UCMA: variants seen among roughly 807,000 people sequenced by gnomAD.
UCMA encodes the protein upper zone of growth plate and cartilage matrix associated.
UCMA carries 21 observed loss-of-function variants against 21.8 expected under a neutral mutation model. The ratio of observed to expected loss-of-function variants is 0.97; its 90% CI spans 0.68 to 1.39. UCMA has a LOEUF of 1.39. Among genes scored for constraint, UCMA ranks in the 40% most tolerant of loss-of-function variants. UCMA has a pLI of 0.00. For synonymous variants in UCMA, 76 were observed against 67.9 expected, an observed-to-expected ratio of 1.12 and a Z score of -0.58; for missense variants, 193 against 178.9, an observed-to-expected ratio of 1.08 and a Z score of -0.45.
chr10:13,233,522 C>T lies in UCMA; in HGVS notation c.220+16G>A, dbSNP rs1834927092. On this transcript the variant is annotated intron_variant, in intron 3 of 4. Transcript: ENST00000378681. ...GTGGTGATGGACGCGGGATGGGGTC[C>T]CTCCAGCATCCTTACCATTGACCTC... 3 of 1,608,402 alleles carry T rather than the reference C, an allele frequency of 1.9e-6. No individual in the cohort carries two copies. The highest frequency in any genetic ancestry group is 2.2e-5 in the South Asian group (2 of 90,672).
intron 3 of UCMA, among the ~76,000 whole-genome samples, 159 bp from the exon 4 acceptor site, chr10:13,229,868 G>T (rs1834876487): frequency 6.6e-6 from 1 of 152,058 alleles, no homozygotes; most frequent in Non-Finnish European, 1.5e-5. Context: ...ATTTACTCCT[G>T]ACACAGACTT....
chr10:13,231,086 C>CCTT (rs55845078), intron 3 of UCMA, among the ~76,000 whole-genome samples: 147,970 of 152,188 alleles, frequency 0.97, 72,043 homozygotes, highest in East Asian at 1. Context: ...CATCTCAAAT[C>CCTT]CTTGGAAGTA....
chr10:13,224,804 T>G (rs1251282945), intron 4 of UCMA, among the ~76,000 whole-genome samples: 2 of 152,132 alleles, frequency 1.3e-5, no homozygotes, highest in Admixed American at 1.3e-4. Flanking sequence ...GACCAAGGCA[T>G]GTTGAGGCAC....
Position 13,233,748 on chromosome 10 carries a change from TTC to T in UCMA, c.109_110del (p.Glu37ArgfsTer4), listed in dbSNP as rs769578228. 6.2e-7 allele frequency: 1 copy of T among 1,614,008 alleles called. No homozygotes were observed. The highest frequency in any genetic ancestry group is 1.1e-5 in the South Asian group (1 of 91,078). On this transcript the variant is annotated frameshift_variant, in exon 2 of 5. Transcript: ENST00000378681. LOFTEE classifies it high-confidence loss of function. ...CCCTGCACTCACCTTCACTCGCCTC[TTC>T]TCCCGCCATCTGCATGGTGCCCACA... ...VSVGTMQMAGEEASEDAKQKI... is the reference protein window; with the variant it reads ...VSVGTMQMAGXEASEDAKQKI...
intron 4 of UCMA, among the ~76,000 whole-genome samples, chr10:13,227,342 C>T (rs1480934840): frequency 2.6e-5 from 4 of 152,200 alleles, no homozygotes; most frequent in Admixed American, 6.5e-5. Context: ...TGGGGCCTCA[C>T]GTCCAAGTTC....
chr10:13,225,338 TG>T (rs1834810506), intron 4 of UCMA, among the ~76,000 whole-genome samples: 1 of 127,322 alleles, frequency 7.9e-6, no homozygotes, highest in Non-Finnish European at 1.5e-5. Flanking sequence ...GTAAGTACTT[TG>T]GGGAGATGTC....
intron 3 of UCMA, among the ~76,000 whole-genome samples, chr10:13,230,394 C>G (rs567250296): frequency 6.6e-6 from 1 of 152,288 alleles, no homozygotes; most frequent in East Asian, 1.9e-4. Flanking sequence ...TTTTACCAAG[C>G]ATTACAGCTG....
chr10:13,223,593 AC>A (rs1483915247), intron 4 of UCMA, among the ~76,000 whole-genome samples: 1 of 152,090 alleles, frequency 6.6e-6, no homozygotes, highest in Non-Finnish European at 1.5e-5. Flanking sequence ...TCGCTCTGTC[AC>A]CCAGGCTGGG....
At chr10:13,231,738 T>C (rs566870568) in intron 3 of UCMA, among the ~76,000 whole-genome samples, 74 of 152,336 alleles carry the variant, frequency 4.9e-4, no homozygotes, top group Middle Eastern at 6.8e-3. Flanking sequence ...TTGTATACGT[T>C]TCTTCTCAAG....
chr10:13,231,850 T>C lies in UCMA; in HGVS notation c.220+1688A>G, dbSNP rs184887142. Among the ~76,000 whole-genome samples the C allele has an allele frequency of 5.3e-5, 8 of 152,304 alleles. No homozygotes were observed. In the East Asian group the frequency reaches 1.5e-3, roughly 29 times the overall value. On this transcript the variant is annotated intron_variant, in intron 3 of 4. Transcript: ENST00000378681. ...CCTGTCTCCTGGTTCCAAATTCAAG[T>C]TGGCTGAAGTGTCTGTCACCTGCCC...
intron 4 of UCMA, among the ~76,000 whole-genome samples, chr10:13,225,084 A>C (rs1257104635): frequency 1.3e-5 from 2 of 151,878 alleles, no homozygotes; most frequent in Non-Finnish European, 2.9e-5. Flanking sequence ...TTTTGAGACA[A>C]GTTCTCATCC....
chr10:13,227,182 G>T (rs944025543), intron 4 of UCMA, among the ~76,000 whole-genome samples: 1 of 152,178 alleles, frequency 6.6e-6, no homozygotes, highest in African/African-American at 2.4e-5. Flanking sequence ...GCACCTGCAG[G>T]GCAATGGGCA....
At chr10:13,228,494 T>C (rs1017172698) in intron 4 of UCMA, among the ~76,000 whole-genome samples, 1 of 152,182 alleles carries the variant, frequency 6.6e-6, no homozygotes, top group Non-Finnish European at 1.5e-5. Flanking sequence ...GAAGATAGGC[T>C]GTAGATGTTG....
intron 4 of UCMA, among the ~76,000 whole-genome samples, chr10:13,225,565 C>A (rs1834813678): frequency 6.6e-6 from 1 of 151,108 alleles, no homozygotes; most frequent in Non-Finnish European, 1.5e-5. Context: ...ATCCCAGCTA[C>A]TCAGGAAGCT....
chr10:13,231,100 C>A (rs898672066), intron 3 of UCMA, among the ~76,000 whole-genome samples: 2 of 151,714 alleles, frequency 1.3e-5, no homozygotes, highest in Non-Finnish European at 1.5e-5. Flanking sequence ...GGAAGTAAGA[C>A]GCTTACCTTA....
chr10:13,228,920 CCTT>C (rs1253331075), intron 4 of UCMA, among the ~76,000 whole-genome samples: 1 of 140,686 alleles, frequency 7.1e-6, no homozygotes, highest in Non-Finnish European at 1.5e-5. Flanking sequence ...CATTTTTCTC[CCTT>C]CTTTTTATTT....
At chr10:13,232,823 C>T (rs551362910) in intron 3 of UCMA, among the ~76,000 whole-genome samples, 2 of 152,068 alleles carry the variant, frequency 1.3e-5, no homozygotes, top group South Asian at 4.2e-4. Flanking sequence ...AGTAGAAACT[C>T]AAATGCCCTC....
intron 4 of UCMA, among the ~76,000 whole-genome samples, chr10:13,223,715 C>G (rs1162930010): frequency 6.6e-6 from 1 of 152,102 alleles, no homozygotes; most frequent in Non-Finnish European, 1.5e-5. Context: ...CCACGCCCGC[C>G]TAATTTTTAT....
At chr10:13,227,196 C>T (rs1164708335) in intron 4 of UCMA, among the ~76,000 whole-genome samples, 1 of 152,208 alleles carries the variant, frequency 6.6e-6, no homozygotes, top group Non-Finnish European at 1.5e-5. Flanking sequence ...ATGGGCATAG[C>T]CTGCAGCACC....
Sources: gnomAD v4.1 joint callset for allele counts (sites outside exome capture counted in the v4.1 genomes callset) on GRCh38, gnomAD v4.1.1 for gene constraint, MANE v1.5 for transcripts, NCBI Gene and HGNC (gene_info 2026-07-23, HGNC 2026-07-21) for gene names.